The following ARHGAP17 variants were observed in gnomAD, a reference collection of about 807,000 sequenced individuals.
ARHGAP17 encodes the protein Rho GTPase activating protein 17, also known as rho GTPase-activating protein 17.
A neutral mutation model predicts 99.5 loss-of-function variants in ARHGAP17; 57 were observed. That is an observed-to-expected ratio of 0.57 (90% CI 0.46 to 0.71). The LOEUF is 0.71. Among genes scored for constraint, ARHGAP17 ranks in the 30% least tolerant of loss-of-function variants. ARHGAP17 has a pLI of 0.00. For synonymous variants in ARHGAP17, 417 were observed against 429.6 expected (o/e 0.97, Z 0.36); for missense variants, 1,000 against 1,122.4 (o/e 0.89, Z 1.56).
intron 19 of ARHGAP17, chr16:24,929,490 C>T (rs1054623169): frequency 4.8e-6 from 3 of 625,818 alleles, no homozygotes; most frequent in Non-Finnish European, 4.0e-6. Flanking sequence ...GCTGTCAGGG[C>T]ACACGGTCAA....
At chr16:24,925,682 C>T (rs1471822928) in intron 19 of ARHGAP17, among the ~76,000 whole-genome samples, 1 of 152,110 alleles carries the variant, frequency 6.6e-6, no homozygotes, top group Non-Finnish European at 1.5e-5. Flanking sequence ...ATTATGTAGT[C>T]ACTGAAAAAC....
chr16:24,952,816 G>C (rs2051683717), intron 11 of ARHGAP17, 115 bp downstream of exon 11: 1 of 913,918 alleles, frequency 1.1e-6, no homozygotes, highest in East Asian at 2.4e-5. Context: ...AGCCACTTCG[G>C]TTTTGTCACT....
chr16:24,953,210 C>T (rs951148292), intron 10 of ARHGAP17, among the ~76,000 whole-genome samples, 168 bp from the exon 11 acceptor site: 9 of 152,186 alleles, frequency 5.9e-5, no homozygotes, highest in African/African-American at 4.8e-5. Flanking sequence ...GGGCTGAGCA[C>T]GCACCCAAGC....
intron 1 of ARHGAP17, among the ~76,000 whole-genome samples, chr16:24,979,898 A>C (rs556855247): frequency 1.3e-5 from 2 of 152,250 alleles, no homozygotes; most frequent in African/African-American, 4.8e-5. Context: ...TTTAGAAGAG[A>C]CAGGGTTTTG....
At chr16:24,944,601 CTTTTATTTTTTATTT>C (rs773695901) in intron 14 of ARHGAP17, among the ~76,000 whole-genome samples, 37 of 152,076 alleles carry the variant, frequency 2.4e-4, no homozygotes, top group East Asian at 9.7e-4. Context: ...TACAGTGTGC[CTTTTATTTTTTATTT>C]TTTTATTTTT....
At chr16:24,975,515 G>A (rs1432661930) in intron 3 of ARHGAP17, among the ~76,000 whole-genome samples, 1 of 152,200 alleles carries the variant, frequency 6.6e-6, no homozygotes, top group African/African-American at 2.4e-5. Context: ...GAGGGACAGA[G>A]CTTTGAGGCA....
At chr16:24,985,984 C>T (rs2052855580) in intron 1 of ARHGAP17, among the ~76,000 whole-genome samples, 1 of 152,306 alleles carries the variant, frequency 6.6e-6, no homozygotes, top group East Asian at 1.9e-4. Context: ...CCATGTTCTA[C>T]TTAACTGCAC....
chr16:24,986,748 G>A (rs1186168345), intron 1 of ARHGAP17, among the ~76,000 whole-genome samples: 1 of 152,214 alleles, frequency 6.6e-6, no homozygotes, highest in Non-Finnish European at 1.5e-5. Flanking sequence ...AGGATGTGGT[G>A]CAAACCTTGA....
chr16:24,942,034 C>G lies in ARHGAP17; in HGVS notation c.1443G>C (p.Arg481=). The G allele has an allele frequency of 6.2e-7, 1 of 1,614,100 alleles. No individual in the cohort carries two copies. Among genetic ancestry groups the G allele is most frequent in the Non-Finnish European group, 8.5e-7 (1 of 1,179,984 alleles). ...CTTCCATCACCGCCATGCTAGCAGG[C>G]CGCTTCCTCTCCAGGGTCCCCGAGT... ...DSDSGTLERK[R]PASMAVMEGD... The change falls in exon 16 of 20, where the codon CGG becomes CGC. Residue 481 remains arginine, a synonymous_variant. Coordinates refer to ENST00000289968, the MANE Select transcript of ARHGAP17 (RefSeq NM_001006634.3).
chr16:24,970,722 T>A lies in ARHGAP17; in HGVS notation c.199-142A>T, dbSNP rs112382641. On this transcript the variant is annotated intron_variant, in intron 3 of 19. Transcript: ENST00000289968. ...CAGCCTGTCTGGGTTCAGGTTCTGGTCTCACAGATATTAGTTGTATGATGA... is the reference window on the plus strand; with the variant it reads ...CAGCCTGTCTGGGTTCAGGTTCTGGACTCACAGATATTAGTTGTATGATGA... 5,639 of 722,032 alleles carry A rather than the reference T, an allele frequency of 7.8e-3. 182 individuals carry two copies. The African/African-American group carries it at 0.078, about 10-fold the overall frequency. The allele number at this position is 722,032 out of a possible 1,614,324, so 44.7% of individuals were successfully genotyped here.
intron 7 of ARHGAP17, 152 bp from the exon 8 acceptor site, chr16:24,960,131 A>G: frequency 1.5e-6 from 1 of 688,936 alleles, no homozygotes; most frequent in East Asian, 2.7e-5. Flanking sequence ...CCATACAGAA[A>G]GAATAAGGAG....
rs202104703 is a variant in ARHGAP17, at chr16:24,931,343, C to T, written c.1956G>A (p.Gly652=). The T allele has an allele frequency of 6.7e-7, 1 of 1,499,102 alleles. No homozygotes were observed. Among genetic ancestry groups the T allele is most frequent in the Non-Finnish European group, 8.9e-7 (1 of 1,126,498 alleles). The allele number at this position is 1,499,102 out of a possible 1,614,324, so 92.9% of individuals were successfully genotyped here. A position where few individuals can be genotyped will look rare whatever the true frequency, so the allele number is the denominator to read the frequency against. ...GAGATGTTCCTGAAGAACTCTGGCC[C>T]CCGGGGTGGCCAGGAGGTGGGTTGC... ...KPGNPPPGHP[G]GQSSSGTSQH... The change falls in exon 19 of 20, where the codon GGG becomes GGA. Residue 652 remains glycine, a synonymous_variant. Transcript: ENST00000289968.
At chr16:24,980,934 T>C (rs1050554640) in intron 1 of ARHGAP17, among the ~76,000 whole-genome samples, 2 of 152,090 alleles carry the variant, frequency 1.3e-5, no homozygotes, top group Non-Finnish European at 2.9e-5. Flanking sequence ...CCTATTAAAA[T>C]TTTCACAAGT....
At chr16:24,977,349 T>A in intron 2 of ARHGAP17, 30 bp from the exon 3 acceptor site, 1 of 1,535,992 alleles carries the variant, frequency 6.5e-7, no homozygotes, top group Non-Finnish European at 8.9e-7. Context: ...AGAGAACAAA[T>A]TCATCCTCTT....
chr16:25,005,158 C>T (rs973205279), intron 1 of ARHGAP17, among the ~76,000 whole-genome samples: 5 of 152,216 alleles, frequency 3.3e-5, no homozygotes, highest in Non-Finnish European at 5.9e-5. Context: ...TCAGGAGATC[C>T]ACCCGCCTTG....
rs554298468 is a variant in ARHGAP17, at chr16:24,941,823, G to A, written c.1490+164C>T. ...ACACACTGACTTTATGGTGAGATTA[G>A]TGCTTGGAATGACCTACAGCAGAAT... On this transcript the variant is annotated intron_variant, in intron 16 of 19. Transcript: ENST00000289968. 93 of 862,688 alleles carry A rather than the reference G, an allele frequency of 1.1e-4. No homozygotes were observed. In the African/African-American group the frequency reaches 1.3e-3, roughly 12 times the overall value. The allele number at this position is 862,688 out of a possible 1,614,324, so 53.4% of individuals were successfully genotyped here. A position where few individuals can be genotyped will look rare whatever the true frequency, so the allele number is the denominator to read the frequency against.
chr16:24,920,202 G>A lies in ARHGAP17; in HGVS notation c.2574C>T (p.Asp858=), dbSNP rs146385385. The A allele has an allele frequency of 6.0e-5, 97 of 1,614,162 alleles. No homozygotes were observed. The African/African-American group carries it at 1.3e-3, about 21-fold the overall frequency. ...GGCCAGGCACGTCTTTGCTGGCTGA[G>A]TCTGAGTGCATTTCAGGAAAGATGC... is the stretch of plus-strand genomic sequence containing the variant. ...HRSIFPEMHS[D]SASKDVPGRI... Residue 858 remains aspartate (D), a synonymous_variant, in exon 20 of 20, where the codon GAC becomes GAT. Coordinates refer to ENST00000289968, the MANE Select transcript of ARHGAP17 (RefSeq NM_001006634.3).
intron 19 of ARHGAP17, among the ~76,000 whole-genome samples, chr16:24,921,712 C>T (rs2050723514): frequency 6.6e-6 from 1 of 152,126 alleles, no homozygotes; most frequent in South Asian, 2.1e-4. Flanking sequence ...TTCCTATGCA[C>T]CACAACTCAG....
intron 12 of ARHGAP17, among the ~76,000 whole-genome samples, chr16:24,951,174 C>T (rs2051632631): frequency 6.6e-6 from 1 of 152,124 alleles, no homozygotes; most frequent in Admixed American, 6.5e-5. Flanking sequence ...ATCATCTGTT[C>T]CTAGACAGAC....
Sources: gnomAD v4.1 joint callset for allele counts (sites outside exome capture counted in the v4.1 genomes callset) on GRCh38, gnomAD v4.1.1 for gene constraint, MANE v1.5 for transcripts, NCBI Gene and HGNC (gene_info 2026-07-23, HGNC 2026-07-21) for gene names.